Variants in NUP153 observed in about 807,000 individuals in gnomAD.
The protein encoded by NUP153 is nucleoporin 153.
NUP153 carries 27 observed loss-of-function variants against 134.6 expected under a neutral mutation model. The ratio of observed to expected loss-of-function variants is 0.20; its 90% confidence interval spans 0.15 to 0.28. The LOEUF (loss-of-function observed/expected upper bound fraction) is 0.28. Among genes scored for constraint, NUP153 ranks in the 10% least tolerant of loss-of-function variants. The probability of loss-of-function intolerance (pLI) is 1.00; values close to 1 mark genes in which losing one functional copy is unlikely to be tolerated. For synonymous variants in NUP153, 640 were observed against 623.5 expected (o/e 1.03, Z -0.40); for missense variants, 1,821 against 1,731.3 (o/e 1.05, Z -0.92).
intron 20 of NUP153, among the ~76,000 whole-genome samples, chr6:17,618,625 G>C (rs1439186565): frequency 4.7e-5 from 7 of 149,554 alleles, no homozygotes; most frequent in Admixed American, 3.3e-4. Context: ...GAGTGCAGTG[G>C]CACGGTCTCA....
At position 17,634,278 on chromosome 6, in the gene NUP153, G is replaced by C. The variant is rs115695916; in HGVS notation, c.2465-1434C>G. ...TTTTTAAAAGATTAACTGTTCAAAA[G>C]CTTTATTCCTGCCACTCCCTGTAAG... On this transcript the variant is annotated intron_variant, in intron 16 of 21. Transcript: ENST00000262077. Among the ~76,000 whole-genome samples the C allele has an allele frequency of 8.0e-3, 1,215 of 152,140 alleles. 10 individuals are homozygous for C. Among genetic ancestry groups the C allele is most frequent in the African/African-American group, 0.026 (1,069 of 41,478 alleles).
Position 17,688,556 on chromosome 6 carries a change from G to A in NUP153, c.174C>T (p.Tyr58=), listed in dbSNP as rs74594356. ...TGCATACATCTTCATTCTTGTTGAA[G>A]TATCTTTGTAGCCACCCTGGCACAA... The part of the protein sequence containing the change: ...KNIVPGWLQR[Y]FNKNEDVCSC... The change falls in exon 2 of 22, where the codon TAC becomes TAT. Residue 58 remains tyrosine (Y), a synonymous_variant. Coordinates refer to ENST00000262077, the MANE Select transcript of NUP153 (RefSeq NM_005124.4). 3 of 1,614,086 alleles carry A rather than the reference G, an allele frequency of 1.9e-6. No individual in the cohort carries two copies. The highest frequency in any genetic ancestry group is 4.5e-5 in the East Asian group (2 of 44,876).
chr6:17,699,696 G>A (rs554382759), intron 1 of NUP153, among the ~76,000 whole-genome samples: 37 of 151,958 alleles, frequency 2.4e-4, no homozygotes, highest in Non-Finnish European at 4.4e-4. Context: ...ATAGCCAGGC[G>A]TGGTGGCACA....
chr6:17,669,378 T>A, intron 6 of NUP153, 41 bp from the exon 7 acceptor site: 1 of 1,597,300 alleles, frequency 6.3e-7, no homozygotes, highest in Non-Finnish European at 8.6e-7. Flanking sequence ...GATTTTTCAA[T>A]AATATCAAGT....
intron 1 of NUP153, among the ~76,000 whole-genome samples, chr6:17,704,995 G>T (rs111779990): frequency 0.011 from 1,735 of 152,274 alleles, 46 homozygotes; most frequent in African/African-American, 0.04. Context: ...TGACCTCGGT[G>T]ATCCACCCGC....
At chr6:17,633,947 A>G (rs1320760489) in intron 16 of NUP153, among the ~76,000 whole-genome samples, 1 of 141,032 alleles carries the variant, frequency 7.1e-6, no homozygotes, top group Non-Finnish European at 1.6e-5. Flanking sequence ...CCTAATCTAC[A>G]CCTGCAATCT....
chr6:17,701,788 G>A (rs1443460781), intron 1 of NUP153, among the ~76,000 whole-genome samples: 2 of 139,268 alleles, frequency 1.4e-5, no homozygotes, highest in Non-Finnish European at 3.1e-5. Flanking sequence ...AGCCAAGATT[G>A]TGCCACTGCA....
At chr6:17,626,222 C>CT in intron 18 of NUP153, 58 bp from the exon 19 acceptor site, 3 of 1,328,936 alleles carry the variant, frequency 2.3e-6, no homozygotes, top group Middle Eastern at 2.7e-4. Flanking sequence ...TCAGAAAGTA[C>CT]TTTTTCCTAC....
intron 1 of NUP153, among the ~76,000 whole-genome samples, chr6:17,689,679 C>A (rs2113851956): frequency 6.6e-6 from 1 of 151,640 alleles, no homozygotes. Context: ...TGGGATTACA[C>A]CACACCCAGC....
chr6:17,667,055 C>T (rs575460524), intron 8 of NUP153, among the ~76,000 whole-genome samples: 2 of 152,086 alleles, frequency 1.3e-5, no homozygotes, highest in Admixed American at 6.6e-5. Flanking sequence ...TTTATGGATA[C>T]GATACTCAAC....
intron 14 of NUP153, among the ~76,000 whole-genome samples, chr6:17,643,909 T>C (rs1765992535): frequency 6.6e-6 from 1 of 152,230 alleles, no homozygotes; most frequent in Admixed American, 6.5e-5. Context: ...CCTTTCCTCA[T>C]AATAAGTCAT....
intron 1 of NUP153, among the ~76,000 whole-genome samples, chr6:17,697,093 A>ATT (rs1554147798): frequency 3.9e-5 from 6 of 152,108 alleles, no homozygotes; most frequent in Non-Finnish European, 5.9e-5. Flanking sequence ...ATTAATCTTA[A>ATT]AAAATACTCT....
In NUP153 at chr6:17,674,933, T is replaced by C. The variant is rs751983701; in HGVS notation, c.824A>G (p.Gln275Arg). 1.2e-6 allele frequency: 2 copies of C among 1,612,528 alleles called. No homozygotes were observed. Among genetic ancestry groups the C allele is most frequent in the South Asian group, 1.1e-5 (1 of 90,796 alleles). The change falls in exon 5 of 22, where the codon CAG becomes CGG. Residue 275 changes from glutamine to arginine, a missense_variant. Physicochemically the swap from Gln to Arg is conservative, Grantham distance 43. Coordinates refer to ENST00000262077, the MANE Select transcript of NUP153 (RefSeq NM_005124.4). Reference sequence around the variant, plus strand: ...ATAAGGTGTATTTCGTAGTTTAGACTGTCTTACAGCAGCTGCTGCCCCACC... The same window carrying C: ...ATAAGGTGTATTTCGTAGTTTAGACCGTCTTACAGCAGCTGCTGCCCCACC... ...TYGGAAAAVR[Q>R]SKLRNTPYQA...
intron 14 of NUP153, among the ~76,000 whole-genome samples, chr6:17,641,534 A>AAAAAC (rs563977267): frequency 6.6e-6 from 1 of 152,014 alleles, no homozygotes; most frequent in Admixed American, 6.6e-5. Flanking sequence ...ACTCCGTCTC[A>AAAAAC]AAAACAAAAC....
chr6:17,647,894 G>C lies in NUP153; in HGVS notation c.1545C>G (p.Thr515=), dbSNP rs777610138. Residue 515 remains threonine (T), a synonymous_variant, in exon 13 of 22, where the codon ACC becomes ACG. Transcript: ENST00000262077. ...TGGGACTGCCAGTGCTGCTCGGAGAGGTCATTTGTACCTGGTTTTCCAAAT... is the reference window on the plus strand; with the variant it reads ...TGGGACTGCCAGTGCTGCTCGGAGACGTCATTTGTACCTGGTTTTCCAAAT... ...SQALTNKVQM[T]SPSSTGSPMF... The C allele has an allele frequency of 1.5e-5, 24 of 1,608,618 alleles. No individual in the cohort carries two copies. Among genetic ancestry groups the C allele is most frequent in the Non-Finnish European group, 2.0e-5 (24 of 1,176,854 alleles).
At chr6:17,669,194 T>G in intron 7 of NUP153, 99 bp downstream of exon 7, 1 of 1,139,478 alleles carries the variant, frequency 8.8e-7, no homozygotes, top group Non-Finnish European at 1.3e-6. Flanking sequence ...TTCTCCTGCC[T>G]CAGCCTCCCA....
intron 1 of NUP153, among the ~76,000 whole-genome samples, chr6:17,704,221 G>A (rs1215380319): frequency 6.6e-6 from 1 of 151,908 alleles, no homozygotes; most frequent in Non-Finnish European, 1.5e-5. Context: ...TAACCCGGGA[G>A]GCGGAGCTTG....
chr6:17,695,752 G>A (rs1436015944), intron 1 of NUP153, among the ~76,000 whole-genome samples: 1 of 152,206 alleles, frequency 6.6e-6, no homozygotes. Context: ...GCTCACGCCT[G>A]TAATCCCAAC....
intron 16 of NUP153, among the ~76,000 whole-genome samples, chr6:17,635,302 G>A (rs1765493332): frequency 1.3e-5 from 2 of 151,866 alleles, no homozygotes; most frequent in Admixed American, 1.3e-4. Context: ...GTAGAGACAG[G>A]GGTTCACTGT....
Sources: allele counts gnomAD v4.1 joint callset (sites outside exome capture counted in the v4.1 genomes callset), GRCh38; gene constraint gnomAD v4.1.1; transcripts MANE v1.5; gene names NCBI Gene and HGNC (gene_info 2026-07-23, HGNC 2026-07-21).